The following CAST variants were observed in gnomAD, a reference collection of about 807,000 sequenced individuals.
The protein encoded by CAST is MIR583 host.
In CAST, 76 loss-of-function variants were observed where a neutral mutation model predicts 119.6. The ratio of observed to expected loss-of-function variants is 0.64; its 90% confidence interval spans 0.53 to 0.77. The LOEUF (loss-of-function observed/expected upper bound fraction) is 0.77, where lower values mean the gene tolerates loss of function less well. CAST is among the 30% of genes least tolerant of loss of function. The probability of loss-of-function intolerance (pLI) is 0.00; values close to 1 mark genes in which losing one functional copy is unlikely to be tolerated. For synonymous variants in CAST, 319 were observed against 331.6 expected (o/e 0.96, Z 0.41); for missense variants, 953 against 946.5 (o/e 1.01, Z -0.09).
chr5:96,046,628 A>G, the CAST span, among the ~76,000 whole-genome samples: 2 of 152,244 alleles, frequency 1.3e-5, no homozygotes, highest in Non-Finnish European at 2.9e-5. Flanking sequence ...CTGGCCTGCA[A>G]TGTGGCAAGA....
the CAST span, among the ~76,000 whole-genome samples, chr5:96,509,172 G>T: frequency 3.3e-5 from 5 of 152,068 alleles, no homozygotes; most frequent in Non-Finnish European, 5.9e-5. Context: ...GTCACACATC[G>T]TGCAAAAGAG....
chr5:96,272,100 A>AG, the CAST span, among the ~76,000 whole-genome samples: 1 of 152,148 alleles, frequency 6.6e-6, no homozygotes, highest in South Asian at 2.1e-4. Flanking sequence ...TTCATAAAAA[A>AG]GGGGGATAAC....
the CAST span, among the ~76,000 whole-genome samples, chr5:96,439,678 C>T: frequency 6.6e-6 from 1 of 152,178 alleles, no homozygotes; most frequent in Non-Finnish European, 1.5e-5. Context: ...CCCGAACCAA[C>T]TGTAAGAAAT....
chr5:96,421,063 G>C, the CAST span, among the ~76,000 whole-genome samples: 4 of 152,192 alleles, frequency 2.6e-5, no homozygotes, highest in African/African-American at 9.7e-5. Context: ...ATCGGTATGA[G>C]CAAAGATGGT....
chr5:96,082,269 AC>A, the CAST span, among the ~76,000 whole-genome samples: 1 of 152,188 alleles, frequency 6.6e-6, no homozygotes, highest in Admixed American at 6.5e-5. Flanking sequence ...GAGGAGGCCT[AC>A]AGTAAGCTTT....
At chr5:96,352,887 T>G in the CAST span, among the ~76,000 whole-genome samples, 2 of 152,198 alleles carry the variant, frequency 1.3e-5, no homozygotes, top group Admixed American at 6.6e-5. Context: ...CCTGCTGCCA[T>G]GTAAGATGTG....
chr5:96,038,178 G>A, the CAST span, among the ~76,000 whole-genome samples: 1 of 151,888 alleles, frequency 6.6e-6, no homozygotes, highest in South Asian at 2.1e-4. Context: ...GGCCAAAGCT[G>A]GAACAATTTC....
chr5:96,558,607 G>A (rs1746293979), intron 1 of CAST, among the ~76,000 whole-genome samples: 2 of 152,180 alleles, frequency 1.3e-5, no homozygotes, highest in South Asian at 2.1e-4. Context: ...AGAAAATCTA[G>A]AAGAAATGGA....
the CAST span, among the ~76,000 whole-genome samples, chr5:96,349,094 T>C: frequency 6.6e-6 from 1 of 150,846 alleles, no homozygotes; most frequent in Non-Finnish European, 1.5e-5. Flanking sequence ...TAATTTTTTT[T>C]TTCTGGTCTC....
the CAST span, among the ~76,000 whole-genome samples, chr5:96,489,423 G>GA: frequency 0.7 from 105,816 of 152,056 alleles, 38,351 homozygotes; most frequent in South Asian, 0.83. Flanking sequence ...ATTATGAAGG[G>GA]AATAGCTCTC....
chr5:96,545,873 C>G (rs1427498343), intron 1 of CAST, among the ~76,000 whole-genome samples: 1 of 152,166 alleles, frequency 6.6e-6, no homozygotes, highest in African/African-American at 2.4e-5. Context: ...ATACAAATAC[C>G]TTCACCATCT....
chr5:96,125,162 T>C, the CAST span, among the ~76,000 whole-genome samples: 1 of 152,326 alleles, frequency 6.6e-6, no homozygotes, highest in African/African-American at 2.4e-5. Flanking sequence ...TTTAGAAAGA[T>C]TCTGCAGCCT....
At chr5:96,743,633 C>T in intron 16 of CAST, 1 of 1,612,918 alleles carries the variant, frequency 6.2e-7, no homozygotes, top group African/African-American at 1.3e-5. Context: ...TAAGATGGGC[C>T]AGTTTCTATC....
chr5:96,556,370 G>A (rs547838842), intron 1 of CAST, among the ~76,000 whole-genome samples: 8 of 152,358 alleles, frequency 5.3e-5, no homozygotes, highest in Middle Eastern at 3.4e-3. Flanking sequence ...GAATGACTTT[G>A]ACGAGTTGAG....
chr5:96,206,806 A>T, the CAST span, among the ~76,000 whole-genome samples: 1 of 152,020 alleles, frequency 6.6e-6, no homozygotes, highest in African/African-American at 2.4e-5. Flanking sequence ...TTAGTTCTCT[A>T]TGAAGTTTAA....
At chr5:96,197,141 A>G in the CAST span, among the ~76,000 whole-genome samples, 2 of 152,094 alleles carry the variant, frequency 1.3e-5, no homozygotes, top group Non-Finnish European at 2.9e-5. Context: ...GCTCAGAACC[A>G]CCGGGTTAGG....
At chr5:96,104,085 G>GT in the CAST span, among the ~76,000 whole-genome samples, 4 of 151,956 alleles carry the variant, frequency 2.6e-5, no homozygotes, top group Non-Finnish European at 2.9e-5. Flanking sequence ...GGGGTTGTTT[G>GT]TTTTTTTCTT....
At chr5:96,002,931 C>G in the CAST span, among the ~76,000 whole-genome samples, 22 of 152,242 alleles carry the variant, frequency 1.4e-4, no homozygotes, top group South Asian at 1.7e-3. Context: ...CATTCACTTT[C>G]TTAGTATTTA....
chr5:96,320,098 C>T, the CAST span, among the ~76,000 whole-genome samples: 2 of 151,980 alleles, frequency 1.3e-5, no homozygotes, highest in East Asian at 4.0e-4. Flanking sequence ...CTGGAGCCTT[C>T]ACATTTCATG....
Sources: allele counts gnomAD v4.1 joint callset (sites outside exome capture counted in the v4.1 genomes callset), GRCh38; gene constraint gnomAD v4.1.1; transcripts MANE v1.5; gene names NCBI Gene and HGNC (gene_info 2026-07-23, HGNC 2026-07-21).